Variants in SPOCK1 observed in about 807,000 individuals in gnomAD.
SPOCK1 encodes SPARC (osteonectin), cwcv and kazal like domains proteoglycan 1.
Under a neutral mutation model 55.3 loss-of-function variants are expected in SPOCK1, and 23 were observed. The ratio of observed to expected loss-of-function variants is 0.42; its 90% CI spans 0.30 to 0.59. SPOCK1 has a LOEUF of 0.59. Among genes scored for constraint, SPOCK1 ranks in the 20% least tolerant of loss-of-function variants. The pLI is 0.22. For missense variants in SPOCK1, 499 were observed against 552.5 expected, an observed-to-expected ratio of 0.90 and a Z score of 0.97; for synonymous variants, 226 against 221.0, an observed-to-expected ratio of 1.02 and a Z score of -0.20.
At chr5:137,059,340 A>T (rs1007575221) in intron 6 of SPOCK1, among the ~76,000 whole-genome samples, 6 of 152,246 alleles carry the variant, frequency 3.9e-5, no homozygotes, top group Admixed American at 6.5e-5. Context: ...AGGGTGCAAA[A>T]CATTATGTAG....
intron 2 of SPOCK1, among the ~76,000 whole-genome samples, chr5:137,360,139 C>T (rs1409913821): frequency 1.3e-5 from 2 of 152,248 alleles, no homozygotes; most frequent in African/African-American, 2.4e-5. Context: ...CAAGATCCAA[C>T]ATGCAATCAG....
intron 2 of SPOCK1, among the ~76,000 whole-genome samples, chr5:137,412,418 T>C (rs1399397714): frequency 1.3e-5 from 2 of 152,200 alleles, no homozygotes; most frequent in Non-Finnish European, 2.9e-5. Flanking sequence ...TCATGGGAGA[T>C]GGCTAAGTAT....
At chr5:137,192,308 G>A (rs1199528903) in intron 3 of SPOCK1, among the ~76,000 whole-genome samples, 1 of 151,952 alleles carries the variant, frequency 6.6e-6, no homozygotes, top group Middle Eastern at 3.4e-3. Context: ...GTGCTGCATG[G>A]AGAGACGGAG....
At chr5:137,467,390 C>T (rs1753641999) in intron 2 of SPOCK1, among the ~76,000 whole-genome samples, 1 of 152,184 alleles carries the variant, frequency 6.6e-6, no homozygotes, top group African/African-American at 2.4e-5. Context: ...GATGAGCTTC[C>T]AACTCTTCCT....
Position 137,042,828 on chromosome 5 carries a change from A to C in SPOCK1, c.589+24887T>G, listed in dbSNP as rs116122101. On this transcript the variant is annotated intron_variant, in intron 6 of 10. Transcript: ENST00000394945. ...AGCTTAATATAGATACATATAGAAT[A>C]ATTTATAAATGTATGTACATACATT... 4.0e-3 allele frequency among the ~76,000 whole-genome samples: 616 copies of C among 152,258 alleles called. 3 individuals carry two copies. The highest frequency in any genetic ancestry group is 0.014 in the African/African-American group (582 of 41,568).
At chr5:137,191,597 A>G (rs1755179906) in intron 3 of SPOCK1, among the ~76,000 whole-genome samples, 3 of 152,258 alleles carry the variant, frequency 2.0e-5, no homozygotes, top group Admixed American at 6.5e-5. Flanking sequence ...TGTGACCTGT[A>G]GTATCAATAG....
At chr5:137,274,863 C>G (rs960791324) in intron 2 of SPOCK1, among the ~76,000 whole-genome samples, 3 of 152,170 alleles carry the variant, frequency 2.0e-5, no homozygotes, top group Non-Finnish European at 4.4e-5. Flanking sequence ...AAGATTCGGT[C>G]ACACCTCTCT....
At chr5:137,016,708 C>T (rs10067642) in intron 6 of SPOCK1, among the ~76,000 whole-genome samples, 1,913 of 152,318 alleles carry the variant, frequency 0.013, 30 homozygotes, top group South Asian at 0.032. Context: ...AACAACCCAA[C>T]TTAGAGTTTG....
chr5:136,981,206 G>A (rs191638546), intron 9 of SPOCK1, among the ~76,000 whole-genome samples: 3 of 152,264 alleles, frequency 2.0e-5, no homozygotes, highest in African/African-American at 7.2e-5. Context: ...TAAAGTTTGA[G>A]AACCACAAGT....
chr5:137,147,710 C>G (rs1167429077), intron 3 of SPOCK1, among the ~76,000 whole-genome samples: 3 of 152,168 alleles, frequency 2.0e-5, no homozygotes, highest in Non-Finnish European at 2.9e-5. Flanking sequence ...CAAATACAGA[C>G]ATCCTAGGAA....
intron 4 of SPOCK1, among the ~76,000 whole-genome samples, chr5:137,134,540 T>C (rs978553637): frequency 2.6e-5 from 4 of 152,168 alleles, no homozygotes; most frequent in Non-Finnish European, 2.9e-5. Context: ...CATGAGCCAC[T>C]TGGAGAAGGG....
intron 3 of SPOCK1, among the ~76,000 whole-genome samples, chr5:137,264,715 G>C (rs1444763629): frequency 1.3e-5 from 2 of 152,158 alleles, no homozygotes; most frequent in African/African-American, 4.8e-5. Context: ...GTTTCTGGAA[G>C]ATGAAACGCT....
chr5:137,350,795 TTGTG>T (rs111548796), intron 2 of SPOCK1, among the ~76,000 whole-genome samples: 221 of 148,454 alleles, frequency 1.5e-3, no homozygotes, highest in Middle Eastern at 3.5e-3. Flanking sequence ...TCATATAGGG[TTGTG>T]TGTGTGTGTG....
intron 3 of SPOCK1, among the ~76,000 whole-genome samples, chr5:137,186,458 C>T (rs1463055516): frequency 1.3e-5 from 2 of 152,180 alleles, no homozygotes; most frequent in Non-Finnish European, 2.9e-5. Flanking sequence ...CTTGGAAGGA[C>T]TCAATTCCAC....
chr5:137,043,272 T>A (rs1752036525), intron 6 of SPOCK1, among the ~76,000 whole-genome samples: 2 of 152,086 alleles, frequency 1.3e-5, no homozygotes, highest in African/African-American at 4.8e-5. Flanking sequence ...AAAATATATA[T>A]CCATGAGTCC....
Position 137,112,426 on chromosome 5 carries a change from A to G in SPOCK1, c.474+9T>C. 1 of 1,610,406 alleles carries G rather than the reference A, an allele frequency of 6.2e-7. No individual in the cohort carries two copies. Among genetic ancestry groups the G allele is most frequent in the South Asian group, 1.1e-5 (1 of 90,232 alleles). On this transcript the variant is annotated intron_variant, in intron 5 of 10. Coordinates refer to ENST00000394945, the MANE Select transcript of SPOCK1 (RefSeq NM_004598.4). The stretch of plus-strand genomic sequence containing the variant: ...ATTTTTGATAACATAAAAAGACAAG[A>G]AAACCAACCTTGGATGTGTAGGAGT...
At chr5:137,171,383 T>C (rs1754752207) in intron 3 of SPOCK1, among the ~76,000 whole-genome samples, 2 of 152,128 alleles carry the variant, frequency 1.3e-5, no homozygotes, top group Admixed American at 6.6e-5. Flanking sequence ...CTGACTTCCA[T>C]GGGCCTGATA....
chr5:137,102,395 G>A (rs1396071611), intron 5 of SPOCK1, among the ~76,000 whole-genome samples: 1 of 152,088 alleles, frequency 6.6e-6, no homozygotes, highest in Non-Finnish European at 1.5e-5. Flanking sequence ...CTCTGCTGAG[G>A]GAAGAAAGCC....
intron 2 of SPOCK1, among the ~76,000 whole-genome samples, chr5:137,301,014 A>G (rs1223166133): frequency 2.0e-5 from 3 of 152,218 alleles, no homozygotes; most frequent in African/African-American, 7.2e-5. Flanking sequence ...TGTGGTCTTA[A>G]TAAAGGAAGA....
Sources: gnomAD v4.1 joint callset for allele counts (sites outside exome capture counted in the v4.1 genomes callset) on GRCh38, gnomAD v4.1.1 for gene constraint, MANE v1.5 for transcripts, NCBI Gene and HGNC (gene_info 2026-07-23, HGNC 2026-07-21) for gene names.